DENND5A: variants seen among roughly 807,000 people sequenced by gnomAD.
DENND5A encodes DENN domain-containing protein 5A.
DENND5A carries 64 observed loss-of-function variants against 140.3 expected under a neutral mutation model. The observed-to-expected ratio is 0.46, with a 90% CI of 0.37 to 0.56. The LOEUF is 0.56. Ranked by LOEUF, DENND5A falls within the 20% of genes least tolerant of loss-of-function variation. The pLI, the probability that DENND5A is intolerant of heterozygous loss-of-function variation, is 0.00. For synonymous variants in DENND5A, 605 were observed against 607.7 expected, an observed-to-expected ratio of 1.00 and a Z score of 0.07; for missense variants, 1,292 against 1,593.8, an observed-to-expected ratio of 0.81 and a Z score of 3.22.
chr11:9,244,832 GA>G (rs1851395552), intron 1 of DENND5A, among the ~76,000 whole-genome samples: 1 of 152,098 alleles, frequency 6.6e-6, no homozygotes, highest in Non-Finnish European at 1.5e-5. Flanking sequence ...ACGCAACCCA[GA>G]AAGCTAATGT....
intron 1 of DENND5A, among the ~76,000 whole-genome samples, chr11:9,253,489 A>G (rs11042245): frequency 0.62 from 94,440 of 152,010 alleles, 29,964 homozygotes; most frequent in African/African-American, 0.72. Flanking sequence ...TCAGCCAGGC[A>G]TGGTGGTTCA....
chr11:9,190,267 T>C (rs1028483360), intron 5 of DENND5A, among the ~76,000 whole-genome samples: 3 of 152,066 alleles, frequency 2.0e-5, no homozygotes, highest in Admixed American at 6.6e-5. Flanking sequence ...GGAGGCATGA[T>C]TGGTTATAAA....
chr11:9,209,843 T>C (rs1358693702), intron 1 of DENND5A, among the ~76,000 whole-genome samples: 5 of 152,096 alleles, frequency 3.3e-5, no homozygotes, highest in East Asian at 1.9e-4. Flanking sequence ...CGGTGGCTCA[T>C]ACCTGTAATC....
chr11:9,163,972 A>AAC (rs374351883), intron 11 of DENND5A, among the ~76,000 whole-genome samples: 9 of 150,788 alleles, frequency 6.0e-5, no homozygotes, highest in Admixed American at 2.6e-4. Context: ...GTTTTACACA[A>AAC]ACACACACAC....
In DENND5A at chr11:9,234,831, A is replaced by G. The variant is rs142440056; in HGVS notation, c.110-27199T>C. Among the ~76,000 whole-genome samples the G allele has an allele frequency of 3.4e-3, 518 of 152,340 alleles. 2 individuals carry two copies. Among genetic ancestry groups the G allele is most frequent in the African/African-American group, 0.012 (495 of 41,574 alleles). On this transcript the variant is annotated intron_variant, in intron 1 of 22. Coordinates refer to ENST00000328194, the MANE Select transcript of DENND5A (RefSeq NM_015213.4). ...TACTGCTAGTTAATCTATAACCTAC[A>G]GAAACAATGCTTATCACTGGCTTGC...
Position 9,170,727 on chromosome 11 carries a change from G to C in DENND5A, c.1957C>G (p.Pro653Ala). The change falls in exon 9 of 23, where the codon CCA becomes GCA. Residue 653 changes from proline (P) to alanine (A), a missense_variant. Physicochemically the swap from Pro to Ala is conservative, Grantham distance 27. Around this residue, in one of 4 missense-constraint regions of DENND5A, gnomAD observed 199 missense variants for 189.1 expected, o/e 1.05. Coordinates refer to ENST00000328194, the MANE Select transcript of DENND5A (RefSeq NM_015213.4). ...CCAATCTTCATGTCAAGTAAATGTG[G>C]GTGAATTGCAGTATGGTCAATTTTT... ...LAKIDHTAIHPHLLDMKIGQG... is the reference protein window; with the variant it reads ...LAKIDHTAIHAHLLDMKIGQG... 1 of 1,613,254 alleles carries C rather than the reference G, an allele frequency of 6.2e-7. No homozygotes were observed. The highest frequency in any genetic ancestry group is 2.2e-5 in the East Asian group (1 of 44,838).
At chr11:9,198,388 G>A (rs571927450) in intron 4 of DENND5A, among the ~76,000 whole-genome samples, 1 of 151,864 alleles carries the variant, frequency 6.6e-6, no homozygotes, top group South Asian at 2.1e-4. Context: ...CGAGGCGGGT[G>A]GATCACGAGG....
At chr11:9,166,038 G>A in intron 10 of DENND5A, 71 bp from the exon 11 acceptor site, 2 of 1,416,316 alleles carry the variant, frequency 1.4e-6, no homozygotes, top group Non-Finnish European at 1.9e-6. Flanking sequence ...GTACTGGTGG[G>A]TGCCTGAAGA....
chr11:9,180,719 C>T (rs963137150), intron 6 of DENND5A, 48 bp downstream of exon 6: 2 of 1,550,494 alleles, frequency 1.3e-6, no homozygotes, highest in Non-Finnish European at 1.8e-6. Flanking sequence ...ACCAGGACAG[C>T]ACCCTAGCAC....
At chr11:9,221,518 G>A (rs538987083) in intron 1 of DENND5A, among the ~76,000 whole-genome samples, 7 of 152,042 alleles carry the variant, frequency 4.6e-5, no homozygotes, top group East Asian at 1.9e-4. Flanking sequence ...GAGCAACTGC[G>A]CCTGGCCTGG....
chr11:9,237,686 G>T (rs1851059496), intron 1 of DENND5A, among the ~76,000 whole-genome samples: 1 of 152,092 alleles, frequency 6.6e-6, no homozygotes, highest in Non-Finnish European at 1.5e-5. Flanking sequence ...AGGAGTTCGA[G>T]ACCAGCCTGA....
chr11:9,255,894 C>T (rs986483387), intron 1 of DENND5A, among the ~76,000 whole-genome samples: 5 of 149,292 alleles, frequency 3.3e-5, no homozygotes, highest in East Asian at 2.0e-4. Context: ...GGCTTGGTAA[C>T]GGGTACCTGT....
chr11:9,140,226 G>C, intron 22 of DENND5A: 1 of 1,315,096 alleles, frequency 7.6e-7, no homozygotes, highest in Non-Finnish European at 9.9e-7. Context: ...ACTGACATAA[G>C]AGATTTAATC....
At chr11:9,167,475 T>TAAAAAA (rs547949319) in intron 10 of DENND5A, among the ~76,000 whole-genome samples, 7 of 119,436 alleles carry the variant, frequency 5.9e-5, no homozygotes, top group Admixed American at 8.8e-5. Context: ...GATGAAAGAT[T>TAAAAAA]AAAAAAAAAA....
At chr11:9,172,213 C>T (rs1417668057) in intron 8 of DENND5A, 2 of 151,990 alleles carry the variant, frequency 1.3e-5, no homozygotes, top group African/African-American at 2.4e-5. Flanking sequence ...ACAAATTTGA[C>T]GTAAACAAAA....
At chr11:9,150,609 TA>T (rs1453441571) in intron 14 of DENND5A, 70 bp downstream of exon 14, 10 of 1,095,450 alleles carry the variant, frequency 9.1e-6, no homozygotes, top group Non-Finnish European at 1.4e-5. Context: ...ACCTTGTTAC[TA>T]AAAGTGGACA....
chr11:9,247,725 G>T (rs1293211153), intron 1 of DENND5A, among the ~76,000 whole-genome samples: 1 of 152,120 alleles, frequency 6.6e-6, no homozygotes, highest in African/African-American at 2.4e-5. Context: ...AGGTAACCAA[G>T]AGTATAGATG....
chr11:9,141,811 G>A, intron 22 of DENND5A, 129 bp downstream of exon 22: 1 of 773,366 alleles, frequency 1.3e-6, no homozygotes, highest in Non-Finnish European at 1.9e-6. Flanking sequence ...GGGCTTCTAG[G>A]AAACCTTCTA....
chr11:9,146,470 C>T (rs1487818110), intron 16 of DENND5A, among the ~76,000 whole-genome samples: 2 of 152,178 alleles, frequency 1.3e-5, no homozygotes, highest in African/African-American at 4.8e-5. Flanking sequence ...CCATATTGAA[C>T]CCTCTTCCCT....
Sources: allele counts gnomAD v4.1 joint callset (sites outside exome capture counted in the v4.1 genomes callset), GRCh38; gene constraint gnomAD v4.1.1; regional missense constraint gnomAD v4.1.1; transcripts MANE v1.5; gene names NCBI Gene and HGNC (gene_info 2026-07-23, HGNC 2026-07-21).